The following AGL variants were observed in gnomAD, a reference collection of about 807,000 sequenced individuals.
AGL encodes the protein glycogen debranching enzyme.
Under a neutral mutation model 199.3 loss-of-function variants are expected in AGL, and 128 were observed. The ratio of observed to expected loss-of-function variants is 0.64; its 90% CI spans 0.56 to 0.74. AGL has a LOEUF of 0.74. Among genes scored for constraint, AGL ranks in the 30% least tolerant of loss-of-function variants. The pLI is 0.00. For missense variants in AGL, 1,809 were observed against 1,820.8 expected (o/e 0.99, Z 0.12); for synonymous variants, 584 against 594.7 (o/e 0.98, Z 0.26).
chr1:99,880,868 C>T (rs1306049594), intron 14 of AGL, 73 bp downstream of exon 14: 19 of 1,507,696 alleles, frequency 1.3e-5, no homozygotes, highest in Non-Finnish European at 1.6e-5. Context: ...CACTTGGTCA[C>T]AATCATACCC....
chr1:99,884,514 TAA>T, intron 19 of AGL, 53 bp from the exon 20 acceptor site: 1 of 1,606,360 alleles, frequency 6.2e-7, no homozygotes. Flanking sequence ...CATATCCTGT[TAA>T]ATTTGAATAA....
rs1655583591 is a variant in AGL, at chr1:99,922,546, TAAC to T, written c.*898_*900del. On this transcript the variant is annotated 3_prime_UTR_variant, in exon 34 of 34. Transcript: ENST00000361915. ...ACAAGTTTAACATTGAGAAGAATCT[TAAC>T]AAAAATATGGATATGAATTCAGTAG... is the stretch of plus-strand genomic sequence containing the variant. 1.3e-5 allele frequency: 2 copies of T among 151,794 alleles called. No homozygotes were observed. Among genetic ancestry groups the T allele is most frequent in the South Asian group, 2.1e-4 (1 of 4,816 alleles). 9.4% of individuals were successfully genotyped at this position (151,794 alleles called of 1,614,324 possible).
At chr1:99,893,011 T>G (rs1391909152) in intron 24 of AGL, among the ~76,000 whole-genome samples, 1 of 152,198 alleles carries the variant, frequency 6.6e-6, no homozygotes, top group Non-Finnish European at 1.5e-5. Context: ...GTTAAATAAT[T>G]TTCATCATGT....
In AGL at chr1:99,880,063, G is replaced by A. The variant is rs767257582; in HGVS notation, c.1735+17G>A. 3 of 1,613,004 alleles carry A rather than the reference G, an allele frequency of 1.9e-6. No individual in the cohort carries two copies. The highest frequency in any genetic ancestry group is 2.2e-5 in the East Asian group (1 of 44,744). On this transcript the variant is annotated intron_variant, in intron 13 of 33. Coordinates refer to ENST00000361915, the MANE Select transcript of AGL (RefSeq NM_000642.3). The stretch of plus-strand genomic sequence containing the variant: ...TAATAAGAGGTAGGCTTGTTGGAGT[G>A]TATTTCCCTCTAAAACTTTAGCTTT...
At chr1:99,914,502 C>T (rs566285016) in intron 30 of AGL, among the ~76,000 whole-genome samples, 4 of 152,244 alleles carry the variant, frequency 2.6e-5, no homozygotes, top group Admixed American at 2.6e-4. Flanking sequence ...GCTGTTTTCA[C>T]GTTGTCAAAA....
chr1:99,869,360 AT>A (rs1650795057), intron 5 of AGL, among the ~76,000 whole-genome samples: 1 of 151,994 alleles, frequency 6.6e-6, no homozygotes, highest in Non-Finnish European at 1.5e-5. Context: ...AAGTAAATAA[AT>A]GACTTACTAA....
intron 5 of AGL, among the ~76,000 whole-genome samples, chr1:99,866,800 T>TTTTCCTTCTTTC (rs58319897): frequency 3.3e-5 from 5 of 151,018 alleles, no homozygotes; most frequent in African/African-American, 1.2e-4. Context: ...ACAAGTTTTC[T>TTTTCCTTCTTTC]TTTATTTATT....
Position 99,913,532 on chromosome 1 carries a change from G to C in AGL, c.3955G>C (p.Ala1319Pro), listed in dbSNP as rs1268881357. 2 of 1,611,692 alleles carry C rather than the reference G, an allele frequency of 1.2e-6. No individual in the cohort carries two copies. The highest frequency in any genetic ancestry group is 3.3e-5 in the Admixed American group (2 of 59,902). Residue 1319 changes from alanine (A) to proline (P), a missense_variant, in exon 30 of 34, where the codon GCT becomes CCT. Ala to Pro is a conservative substitution (Grantham distance 27). Transcript: ENST00000361915. The stretch of plus-strand genomic sequence containing the variant: ...TGTCTTATGTCATTTTTCAGGAAAG[G>C]CTATAAAGGTCTCATATGATGAGTG... Reference protein sequence around the residue: ...HEVTVKRHGKAIKVSYDEWNR... With the variant: ...HEVTVKRHGKPIKVSYDEWNR...
chr1:99,907,582 G>C (rs1041958529), intron 27 of AGL, among the ~76,000 whole-genome samples: 1 of 151,914 alleles, frequency 6.6e-6, no homozygotes, highest in African/African-American at 2.4e-5. Flanking sequence ...TAGTAAACAG[G>C]CTTCCATTCA....
intron 8 of AGL, 100 bp from the exon 9 acceptor site, chr1:99,875,054 G>T: frequency 1.7e-6 from 2 of 1,143,354 alleles, no homozygotes; most frequent in Non-Finnish European, 2.6e-6. Context: ...AAATCCCGAT[G>T]AATATATTTA....
intron 2 of AGL, among the ~76,000 whole-genome samples, chr1:99,860,659 T>G (rs1421356918): frequency 6.6e-6 from 1 of 152,204 alleles, no homozygotes; most frequent in Non-Finnish European, 1.5e-5. Context: ...ATGCATTGGC[T>G]CTCAGGATTA....
At position 99,920,573 on chromosome 1, in the gene AGL, T is replaced by C. The variant is rs146306521; in HGVS notation, c.4482-961T>C. On this transcript the variant is annotated intron_variant, in intron 33 of 33. Coordinates refer to ENST00000361915, the MANE Select transcript of AGL (RefSeq NM_000642.3). ...CTTGAATACTTGGAAACATACATTT[T>C]CTATATTTTCCATGTTTCTATGACA... Among the ~76,000 whole-genome samples, 18 of 152,334 alleles carry C rather than the reference T, an allele frequency of 1.2e-4. No individual in the cohort carries two copies. The South Asian group carries it at 3.3e-3, about 28-fold the overall frequency.
chr1:99,921,711 T>G lies in AGL; in HGVS notation c.*60T>G. ...TTATAGGATGCAAGGTCATCATATGTAAATGCCTTATATGCACAGGCTCAA... is the reference window on the plus strand; with the variant it reads ...TTATAGGATGCAAGGTCATCATATGGAAATGCCTTATATGCACAGGCTCAA... On this transcript the variant is annotated 3_prime_UTR_variant, in exon 34 of 34. Transcript: ENST00000361915. 8.5e-7 allele frequency: 1 copy of G among 1,172,702 alleles called. No homozygotes were observed. Among genetic ancestry groups the G allele is most frequent in the Admixed American group, 1.7e-5 (1 of 57,554 alleles). The allele number at this position is 1,172,702 out of a possible 1,614,324, so 72.6% of individuals were successfully genotyped here.
chr1:99,894,960 T>G (rs911698963), intron 24 of AGL, among the ~76,000 whole-genome samples: 1 of 152,226 alleles, frequency 6.6e-6, no homozygotes, highest in Non-Finnish European at 1.5e-5. Context: ...CGTTAAGTGC[T>G]TTTAAGATAG....
At chr1:99,850,345 TC>T (rs1434480993), upstream of AGL, 1 of 151,972 alleles carries the variant, frequency 6.6e-6, no homozygotes, top group Non-Finnish European at 1.5e-5. Context: ...CCCCGTCCCC[TC>T]CCCCCGACCG....
rs767424449 is a variant in AGL, at chr1:99,915,374, T to C, written c.4162-15T>C. On this transcript the variant is annotated splice_polypyrimidine_tract_variant and intron_variant, in intron 30 of 33. Transcript: ENST00000361915. ...GATCTTAAAAATTTGTATATTTGTT[T>C]TTGGCATTCACTAGGCCCCTGAGCT... The C allele has an allele frequency of 2.5e-6, 4 of 1,599,522 alleles. No individual in the cohort carries two copies. Among genetic ancestry groups the C allele is most frequent in the Non-Finnish European group, 3.4e-6 (4 of 1,166,830 alleles).
chr1:99,919,046 C>G (rs991683045), intron 33 of AGL, among the ~76,000 whole-genome samples: 1 of 152,270 alleles, frequency 6.6e-6, no homozygotes, highest in African/African-American at 2.4e-5. Flanking sequence ...GTGGGACCCT[C>G]TGCATATCTT....
At chr1:99,919,274 C>T (rs1655350159) in intron 33 of AGL, among the ~76,000 whole-genome samples, 1 of 152,190 alleles carries the variant, frequency 6.6e-6, no homozygotes, top group Admixed American at 6.5e-5. Flanking sequence ...TCAAGGATCG[C>T]TATTTGTTGC....
chr1:99,884,368 T>C lies in AGL; in HGVS notation c.2463T>C (p.Ala821=). The C allele has an allele frequency of 6.2e-7, 1 of 1,613,570 alleles. No homozygotes were observed. Reference sequence around the variant, plus strand: ...ATGAAAGTAAAATTGTTAAACAAGCTGGAGTTGCCACAAAAGGGCCCAATG... The same window carrying C: ...ATGAAAGTAAAATTGTTAAACAAGCCGGAGTTGCCACAAAAGGGCCCAATG... The part of the protein sequence containing the change: ...QLNESKIVKQ[A]GVATKGPNEY... Residue 821 remains alanine (A), a synonymous_variant, in exon 19 of 34, where the codon GCT becomes GCC. Coordinates refer to ENST00000361915, the MANE Select transcript of AGL (RefSeq NM_000642.3).
Sources: gnomAD v4.1 joint callset for allele counts (sites outside exome capture counted in the v4.1 genomes callset) on GRCh38, gnomAD v4.1.1 for gene constraint, MANE v1.5 for transcripts, NCBI Gene and HGNC (gene_info 2026-07-23, HGNC 2026-07-21) for gene names.